ITGA8: variants seen among roughly 807,000 people sequenced by gnomAD.
ITGA8 encodes integrin alpha-8.
ITGA8 carries 91 observed loss-of-function variants against 142.3 expected under a neutral mutation model. The observed-to-expected ratio is 0.64, with a 90% CI of 0.54 to 0.76. ITGA8 has a LOEUF of 0.76. Among genes scored for constraint, ITGA8 ranks in the 30% least tolerant of loss-of-function variants. The pLI, the probability that ITGA8 is intolerant of heterozygous loss-of-function variation, is 0.00. For synonymous variants in ITGA8, 505 were observed against 485.2 expected (o/e 1.04, Z -0.54); for missense variants, 1,406 against 1,327.7 (o/e 1.06, Z -0.92).
rs771864529 is a variant in ITGA8, at chr10:15,672,596, C to T, written c.802+28G>A. The T allele has an allele frequency of 5.0e-6, 8 of 1,586,388 alleles. No homozygotes were observed. In the South Asian group the frequency reaches 8.1e-5, roughly 16 times the overall value. ...TTACTATGCTTGTCTTTTGAAAAAC[C>T]ACAAATGTCTTGGGCAATGGGTCTT... On this transcript the variant is annotated intron_variant, in intron 7 of 29. Transcript: ENST00000378076.
chr10:15,688,355 C>A (rs950473443), intron 2 of ITGA8, among the ~76,000 whole-genome samples: 1 of 151,046 alleles, frequency 6.6e-6, no homozygotes, highest in Non-Finnish European at 1.5e-5. Context: ...CCTGTAGTCC[C>A]AGCTACTTGG....
At chr10:15,586,291 T>G (rs1365726564) in intron 23 of ITGA8, among the ~76,000 whole-genome samples, 1 of 152,050 alleles carries the variant, frequency 6.6e-6, no homozygotes, top group Non-Finnish European at 1.5e-5. Context: ...ACTCCTGACC[T>G]CAGGTGATCT....
chr10:15,679,302 T>C (rs565472933), intron 4 of ITGA8, among the ~76,000 whole-genome samples: 1 of 152,294 alleles, frequency 6.6e-6, no homozygotes, highest in East Asian at 1.9e-4. Context: ...TATCCTATTA[T>C]GGCCAGTTGT....
intron 2 of ITGA8, among the ~76,000 whole-genome samples, chr10:15,694,434 TG>T (rs1741438388): frequency 4.5e-5 from 2 of 44,856 alleles, no homozygotes; most frequent in Non-Finnish European, 5.7e-5. Flanking sequence ...ATCATATATA[TG>T]ATATATCTTA....
chr10:15,666,010 G>C (rs147059786), intron 8 of ITGA8, among the ~76,000 whole-genome samples: 2,068 of 152,266 alleles, frequency 0.014, 35 homozygotes, highest in African/African-American at 0.047. Context: ...GCTCTTTTTT[G>C]GTTCCATACG....
At chr10:15,600,047 T>C (rs1214842712) in intron 20 of ITGA8, among the ~76,000 whole-genome samples, 3 of 152,260 alleles carry the variant, frequency 2.0e-5, no homozygotes, top group Non-Finnish European at 4.4e-5. Context: ...TATTCTTACC[T>C]ATAAAACAGG....
chr10:15,575,822 T>G (rs1834280951), intron 23 of ITGA8, among the ~76,000 whole-genome samples: 1 of 152,180 alleles, frequency 6.6e-6, no homozygotes, highest in Non-Finnish European at 1.5e-5. Context: ...GCAACTATTT[T>G]ATAGCATCTC....
chr10:15,716,977 A>G (rs945867502), intron 2 of ITGA8, among the ~76,000 whole-genome samples: 1 of 152,154 alleles, frequency 6.6e-6, no homozygotes, highest in African/African-American at 2.4e-5. Context: ...ATTGTAATTT[A>G]ATATTGAAAA....
In ITGA8 at chr10:15,684,739, T is replaced by A. The variant is rs551574684; in HGVS notation, c.445-612A>T. ...GCAGAAATTAATTCCTAAAAGCGAATAACTCATATTTCTTTTCTTTTTAAT... is the reference window on the plus strand; with the variant it reads ...GCAGAAATTAATTCCTAAAAGCGAAAAACTCATATTTCTTTTCTTTTTAAT... On this transcript the variant is annotated intron_variant, in intron 3 of 29. Transcript: ENST00000378076. Among the ~76,000 whole-genome samples, 8 of 152,246 alleles carry A rather than the reference T, an allele frequency of 5.3e-5. No homozygotes were observed. In the South Asian group the frequency reaches 1.7e-3, roughly 32 times the overall value.
intron 25 of ITGA8, among the ~76,000 whole-genome samples, chr10:15,561,923 G>A (rs531185472): frequency 6.6e-6 from 1 of 152,250 alleles, no homozygotes; most frequent in Admixed American, 6.5e-5. Flanking sequence ...AAGGTGAAGG[G>A]GGAGCAAGGT....
intron 24 of ITGA8, among the ~76,000 whole-genome samples, chr10:15,575,045 C>T (rs1564358377): frequency 6.6e-6 from 1 of 152,168 alleles, no homozygotes; most frequent in African/African-American, 2.4e-5. Context: ...CTACACCCCA[C>T]TGCAGTATGA....
chr10:15,582,292 A>G (rs1469180616), intron 23 of ITGA8, among the ~76,000 whole-genome samples: 2 of 152,182 alleles, frequency 1.3e-5, no homozygotes, highest in Non-Finnish European at 2.9e-5. Context: ...CACACCAGAT[A>G]CAATTAGCTT....
At chr10:15,565,573 A>ATTTTCTTT (rs1834062893) in intron 25 of ITGA8, among the ~76,000 whole-genome samples, 1 of 34,764 alleles carries the variant, frequency 2.9e-5, no homozygotes, top group Non-Finnish European at 5.1e-5. Flanking sequence ...TCATGTCCTG[A>ATTTTCTTT]TTTTTTTTTT....
intron 4 of ITGA8, among the ~76,000 whole-genome samples, chr10:15,680,199 A>AT (rs1588719306): frequency 8.8e-6 from 1 of 113,506 alleles, no homozygotes; most frequent in East Asian, 2.4e-4. Flanking sequence ...GTCACCATCA[A>AT]TTTTTTCCAG....
intron 28 of ITGA8, among the ~76,000 whole-genome samples, chr10:15,528,418 G>A (rs1485809744): frequency 6.6e-6 from 1 of 152,044 alleles, no homozygotes; most frequent in East Asian, 1.9e-4. Flanking sequence ...CAGATATTGG[G>A]AGACTTGAAA....
At chr10:15,717,442 G>A (rs1835474577) in intron 2 of ITGA8, among the ~76,000 whole-genome samples, 1 of 152,116 alleles carries the variant, frequency 6.6e-6, no homozygotes, top group South Asian at 2.1e-4. Context: ...AAACTAGAGA[G>A]CAGTAGCTAG....
rs567199988 is a variant in ITGA8 at position 15,605,830 on chromosome 10, A to T, written c.1903-39T>A. Reference sequence around the variant, plus strand: ...ACGCACGTCAGGAACAATCTAGGAAAATCTGATTCACATCCTTTTTCTTGA... The same window carrying T: ...ACGCACGTCAGGAACAATCTAGGAATATCTGATTCACATCCTTTTTCTTGA... On this transcript the variant is annotated intron_variant, in intron 18 of 29. Coordinates refer to ENST00000378076, the MANE Select transcript of ITGA8 (RefSeq NM_003638.3). 7 of 1,570,298 alleles carry T rather than the reference A, an allele frequency of 4.5e-6. No individual in the cohort carries two copies. In the Admixed American group the frequency reaches 1.2e-4, roughly 26 times the overall value.
intron 2 of ITGA8, among the ~76,000 whole-genome samples, chr10:15,708,456 T>C (rs1255344668): frequency 1.3e-5 from 2 of 152,148 alleles, no homozygotes; most frequent in African/African-American, 4.8e-5. Flanking sequence ...GTCTCACTCA[T>C]ATCTTTGAAT....
intron 27 of ITGA8, among the ~76,000 whole-genome samples, chr10:15,543,743 C>CA (rs1833617308): frequency 1.3e-5 from 2 of 152,138 alleles, no homozygotes; most frequent in Non-Finnish European, 2.9e-5. Context: ...TGAATAATGT[C>CA]TTACCCAAAT....
Sources: allele counts gnomAD v4.1 joint callset (sites outside exome capture counted in the v4.1 genomes callset), GRCh38; gene constraint gnomAD v4.1.1; transcripts MANE v1.5; gene names NCBI Gene and HGNC (gene_info 2026-07-23, HGNC 2026-07-21).